The following CNTN5 variants were observed in gnomAD, a reference collection of about 807,000 sequenced individuals.
CNTN5 encodes contactin 5.
In CNTN5, 77 loss-of-function variants were observed where a neutral mutation model predicts 129.1. The ratio of observed to expected loss-of-function variants is 0.60; its 90% confidence interval spans 0.50 to 0.72. The LOEUF (loss-of-function observed/expected upper bound fraction) is 0.72. CNTN5 is among the 30% of genes least tolerant of loss of function. The pLI is 0.00. For missense variants in CNTN5, 1,478 were observed against 1,328.8 expected (o/e 1.11, Z -1.75); for synonymous variants, 509 against 465.6 (o/e 1.09, Z -1.20).
chr11:99,845,005 A>G, intron 5 of CNTN5, 30 bp downstream of exon 5: 1 of 1,610,974 alleles, frequency 6.2e-7, no homozygotes, highest in Non-Finnish European at 8.5e-7. Context: ...CATTTTTCTT[A>G]AGCCTTAAAA....
intron 3 of CNTN5, among the ~76,000 whole-genome samples, chr11:99,732,662 G>A (rs921586863): frequency 5.9e-5 from 9 of 152,162 alleles, no homozygotes; most frequent in East Asian, 3.9e-4. Flanking sequence ...TCAGCTTAGC[G>A]CTTAAGCCCA....
intron 7 of CNTN5, among the ~76,000 whole-genome samples, chr11:99,938,727 A>G (rs1041677901): frequency 6.6e-6 from 1 of 152,132 alleles, no homozygotes; most frequent in Non-Finnish European, 1.5e-5. Flanking sequence ...CCAAGCCGCA[A>G]TCTACATACT....
chr11:99,626,704 A>G (rs925349868), intron 3 of CNTN5, among the ~76,000 whole-genome samples: 2 of 152,140 alleles, frequency 1.3e-5, no homozygotes, highest in Non-Finnish European at 2.9e-5. Context: ...TGACATTTTA[A>G]GGGAGACCTA....
chr11:100,329,366 G>A (rs1444087443), intron 21 of CNTN5, among the ~76,000 whole-genome samples: 1 of 152,162 alleles, frequency 6.6e-6, no homozygotes, highest in Non-Finnish European at 1.5e-5. Context: ...CAAAGACAAA[G>A]GTCTTAATTT....
chr11:99,588,152 G>T (rs186666023), intron 3 of CNTN5, among the ~76,000 whole-genome samples: 2 of 152,068 alleles, frequency 1.3e-5, no homozygotes, highest in African/African-American at 4.8e-5. Context: ...TACCATCCTG[G>T]CTAACACGGT....
chr11:99,449,706 T>C (rs1944219901), intron 2 of CNTN5, among the ~76,000 whole-genome samples: 1 of 152,336 alleles, frequency 6.6e-6, no homozygotes, highest in Non-Finnish European at 1.5e-5. Context: ...AGCTGGTATG[T>C]GTGGGTCTCT....
intron 3 of CNTN5, among the ~76,000 whole-genome samples, chr11:99,561,539 C>A (rs1948843057): frequency 6.6e-6 from 1 of 151,972 alleles, no homozygotes; most frequent in Non-Finnish European, 1.5e-5. Context: ...CCAAAGAGTA[C>A]AGAATGGGAA....
At chr11:100,193,770 C>T (rs1591377691) in intron 15 of CNTN5, 107 bp downstream of exon 15, 1 of 822,982 alleles carries the variant, frequency 1.2e-6, no homozygotes, top group East Asian at 2.9e-5. Context: ...AAAAACAGAA[C>T]ATCGACTTGA....
intron 15 of CNTN5, among the ~76,000 whole-genome samples, chr11:100,195,808 A>T (rs554295876): frequency 2.0e-4 from 30 of 152,140 alleles, no homozygotes; most frequent in South Asian, 4.1e-4. Context: ...CACCAGAGAA[A>T]ATACCATTGT....
At chr11:99,613,972 TTGTTA>T (rs1265053964) in intron 3 of CNTN5, among the ~76,000 whole-genome samples, 4 of 152,240 alleles carry the variant, frequency 2.6e-5, no homozygotes. Flanking sequence ...GTTTTCTGCA[TTGTTA>T]TAACTATAGA....
At chr11:99,497,215 G>C (rs1268845739) in intron 2 of CNTN5, among the ~76,000 whole-genome samples, 1 of 152,176 alleles carries the variant, frequency 6.6e-6, no homozygotes, top group Non-Finnish European at 1.5e-5. Flanking sequence ...TTAACTTAAT[G>C]CTGGTCTGTG....
chr11:100,154,009 ATT>A (rs1361064091), intron 13 of CNTN5, among the ~76,000 whole-genome samples: 1 of 151,940 alleles, frequency 6.6e-6, no homozygotes, highest in East Asian at 1.9e-4. Flanking sequence ...ATTTTATCAC[ATT>A]TCTTTTTTTA....
intron 3 of CNTN5, among the ~76,000 whole-genome samples, chr11:99,617,530 C>G (rs1950799568): frequency 6.6e-6 from 1 of 152,114 alleles, no homozygotes; most frequent in Non-Finnish European, 1.5e-5. Flanking sequence ...TTAGTAGAGA[C>G]TAATGACAAT....
At chr11:100,005,482 C>T (rs1940135755) in intron 9 of CNTN5, among the ~76,000 whole-genome samples, 2 of 152,192 alleles carry the variant, frequency 1.3e-5, no homozygotes, top group Non-Finnish European at 2.9e-5. Flanking sequence ...CATCTACCTT[C>T]TTAATGAGCT....
intron 1 of CNTN5, among the ~76,000 whole-genome samples, chr11:99,253,731 G>GAAACAATT (rs1365156637): frequency 1.3e-5 from 2 of 151,320 alleles, no homozygotes; most frequent in Non-Finnish European, 2.9e-5. Context: ...CATATAATGG[G>GAAACAATT]TATTTTTATA....
intron 18 of CNTN5, among the ~76,000 whole-genome samples, chr11:100,275,195 T>C (rs1464749059): frequency 6.6e-6 from 1 of 152,258 alleles, no homozygotes; most frequent in African/African-American, 2.4e-5. Context: ...TAAGTTGTTT[T>C]TTTCTGCTAC....
In CNTN5 at chr11:99,937,716, C is replaced by T. The variant is rs531577222; in HGVS notation, c.674-19090C>T. Among the ~76,000 whole-genome samples the T allele has an allele frequency of 3.9e-5, 6 of 152,314 alleles. No homozygotes were observed. The East Asian group carries it at 1.2e-3, about 29-fold the overall frequency. On this transcript the variant is annotated intron_variant, in intron 7 of 24. Transcript: ENST00000524871. ...CATGAACTCTCTCTCAGCCTGTAAGCAGCTGCAGCTCGAAGCTTGACAAAC... is the reference window on the plus strand; with the variant it reads ...CATGAACTCTCTCTCAGCCTGTAAGTAGCTGCAGCTCGAAGCTTGACAAAC...
chr11:100,014,579 CA>C (rs928701166), intron 9 of CNTN5, among the ~76,000 whole-genome samples: 3 of 149,588 alleles, frequency 2.0e-5, no homozygotes, highest in East Asian at 2.0e-4. Context: ...GACTCCGTCT[CA>C]AAAAAAAATA....
At position 99,263,127 on chromosome 11, in the gene CNTN5, T is replaced by A. The variant is rs557357290; in HGVS notation, c.-209-62219T>A. Among the ~76,000 whole-genome samples the A allele has an allele frequency of 1.3e-4, 20 of 152,184 alleles. No homozygotes were observed. In the South Asian group the frequency reaches 3.9e-3, roughly 30 times the overall value. On this transcript the variant is annotated intron_variant, in intron 1 of 24. Transcript: ENST00000524871. ...AACCAATAATTTGGTTTTCTGAAATTTGGGAGGTAATTTTGAGCACAGGCA... is the reference window on the plus strand; with the variant it reads ...AACCAATAATTTGGTTTTCTGAAATATGGGAGGTAATTTTGAGCACAGGCA...
Sources: allele counts gnomAD v4.1 joint callset (sites outside exome capture counted in the v4.1 genomes callset), GRCh38; gene constraint gnomAD v4.1.1; transcripts MANE v1.5; gene names NCBI Gene and HGNC (gene_info 2026-07-23, HGNC 2026-07-21).